The following ARL15 variants were observed in gnomAD, a reference collection of about 807,000 sequenced individuals.
The protein encoded by ARL15 is ARF like GTPase 15, also known as ADP-ribosylation factor-like protein 15.
ARL15 carries 19 observed loss-of-function variants against 25.2 expected under a neutral mutation model. That is an observed-to-expected ratio of 0.75 (90% CI 0.53 to 1.10). The LOEUF is 1.10. ARL15 is among the 50% of genes least tolerant of loss of function. The pLI is 0.00. For synonymous variants in ARL15, 94 were observed against 86.8 expected (o/e 1.08, Z -0.46); for missense variants, 220 against 246.0 (o/e 0.89, Z 0.71).
At chr5:54,017,603 AAC>A (rs1360149959) in intron 4 of ARL15, among the ~76,000 whole-genome samples, 4,748 of 142,542 alleles carry the variant, frequency 0.033, 265 homozygotes, top group African/African-American at 0.12. Context: ...AAAAAAAAAA[AAC>A]CCAAACCAAA....
intron 1 of ARL15, among the ~76,000 whole-genome samples, chr5:54,182,705 T>C (rs1755096316): frequency 6.6e-6 from 1 of 152,028 alleles, no homozygotes; most frequent in Non-Finnish European, 1.5e-5. Context: ...GGTAGCTTGA[T>C]GGGGATGGCA....
At chr5:53,907,484 ATATATTTTTTTT>A (rs1428140267) in intron 4 of ARL15, among the ~76,000 whole-genome samples, 27 of 26,374 alleles carry the variant, frequency 1.0e-3, no homozygotes, top group East Asian at 7.6e-3. Flanking sequence ...ATATATATAT[ATATATTTTTTTT>A]TTTTTTTTTT....
At chr5:54,201,200 C>A (rs146389536) in intron 1 of ARL15, among the ~76,000 whole-genome samples, 11 of 152,038 alleles carry the variant, frequency 7.2e-5, no homozygotes, top group African/African-American at 2.7e-4. Context: ...CTTTTAGTTT[C>A]TTTTCCCAGG....
At chr5:54,028,927 T>C (rs1274190698) in intron 4 of ARL15, among the ~76,000 whole-genome samples, 2 of 151,912 alleles carry the variant, frequency 1.3e-5, no homozygotes, top group African/African-American at 4.8e-5. Context: ...GAAGCTGAGA[T>C]GGGAGGATGG....
At position 53,926,916 on chromosome 5, in the gene ARL15, G is replaced by C. The variant is rs555303784; in HGVS notation, c.463-40203C>G. Among the ~76,000 whole-genome samples the C allele has an allele frequency of 4.7e-5, 7 of 150,530 alleles. No individual in the cohort carries two copies. The South Asian group carries it at 1.5e-3, about 32-fold the overall frequency. ...AAAGACCTCACATGTTGAACTATTT[G>C]GTTAAACCTTCAGTCACCAAGACCT... On this transcript the variant is annotated intron_variant, in intron 4 of 4. Coordinates refer to ENST00000504924, the MANE Select transcript of ARL15 (RefSeq NM_019087.3).
intron 3 of ARL15, among the ~76,000 whole-genome samples, chr5:54,118,204 G>T (rs892410605): frequency 1.3e-5 from 2 of 152,074 alleles, no homozygotes; most frequent in African/African-American, 4.8e-5. Flanking sequence ...TAGTATCAAA[G>T]AAGACAATCA....
intron 4 of ARL15, among the ~76,000 whole-genome samples, chr5:53,961,593 A>C (rs928031433): frequency 1.3e-5 from 2 of 152,152 alleles, no homozygotes; most frequent in African/African-American, 4.8e-5. Flanking sequence ...TTTTAAAAGA[A>C]AGAAGCTGTA....
chr5:54,047,511 A>T (rs1447987841), intron 4 of ARL15, among the ~76,000 whole-genome samples: 1 of 152,174 alleles, frequency 6.6e-6, no homozygotes, highest in Non-Finnish European at 1.5e-5. Context: ...CAACATCTTC[A>T]TATAAAACCT....
At chr5:53,918,672 G>A (rs1379204191) in intron 4 of ARL15, among the ~76,000 whole-genome samples, 1 of 152,026 alleles carries the variant, frequency 6.6e-6, no homozygotes, top group Non-Finnish European at 1.5e-5. Context: ...TACAAATAGA[G>A]ACTGCACACT....
chr5:54,080,717 T>C (rs1471844926), intron 4 of ARL15, among the ~76,000 whole-genome samples: 1 of 152,274 alleles, frequency 6.6e-6, no homozygotes, highest in African/African-American at 2.4e-5. Context: ...CCCTGAGATG[T>C]CTATTCATCA....
chr5:54,033,390 T>C lies in ARL15; in HGVS notation c.462+79812A>G, dbSNP rs192418423. On this transcript the variant is annotated intron_variant, in intron 4 of 4. Coordinates refer to ENST00000504924, the MANE Select transcript of ARL15 (RefSeq NM_019087.3). ...AATCTATCAAAATAAATCACTTTAGTTGGGCACAGTGGCCCACGCCTGTGA... is the reference window on the plus strand; with the variant it reads ...AATCTATCAAAATAAATCACTTTAGCTGGGCACAGTGGCCCACGCCTGTGA... Among the ~76,000 whole-genome samples, 5 of 150,324 alleles carry C rather than the reference T, an allele frequency of 3.3e-5. No individual in the cohort carries two copies. In the East Asian group the frequency reaches 6.0e-4, roughly 18 times the overall value.
At chr5:53,893,161 T>C (rs1371220398) in intron 4 of ARL15, among the ~76,000 whole-genome samples, 3 of 152,024 alleles carry the variant, frequency 2.0e-5, no homozygotes, top group African/African-American at 4.8e-5. Context: ...CCCGCTGACA[T>C]AGGGCTGGCA....
At chr5:54,175,399 A>G (rs543776041) in intron 1 of ARL15, among the ~76,000 whole-genome samples, 1 of 151,906 alleles carries the variant, frequency 6.6e-6, no homozygotes, top group South Asian at 2.1e-4. Context: ...CAATGGCACA[A>G]TCTCGGCTCA....
intron 4 of ARL15, among the ~76,000 whole-genome samples, chr5:54,036,129 A>C (rs1750158173): frequency 6.6e-6 from 1 of 151,936 alleles, no homozygotes. Context: ...CAGTCTGGGC[A>C]ACAGAGTGAG....
In ARL15 at chr5:54,269,222, A is replaced by AATAAT. The variant is rs1206853226; in HGVS notation, c.48+41209_48+41210insATTAT. ...TGTACCCTAAAACTTAAAGTATAAT[A>AATAAT]AGAATAAAATAAAATAAAATAAAAT... is the stretch of plus-strand genomic sequence containing the variant. On this transcript the variant is annotated intron_variant, in intron 1 of 4. Coordinates refer to ENST00000504924, the MANE Select transcript of ARL15 (RefSeq NM_019087.3). Among the ~76,000 whole-genome samples, 659 of 151,894 alleles carry AATAAT rather than the reference A, an allele frequency of 4.3e-3. 6 individuals carry two copies. Among genetic ancestry groups the AATAAT allele is most frequent in the African/African-American group, 0.014 (573 of 41,416 alleles).
intron 2 of ARL15, among the ~76,000 whole-genome samples, chr5:54,167,735 A>T (rs1055743248): frequency 6.6e-6 from 1 of 152,094 alleles, no homozygotes; most frequent in South Asian, 2.1e-4. Context: ...TTCTCTTAGC[A>T]CTATTTTCTC....
At chr5:54,149,273 C>G (rs1753997627) in intron 3 of ARL15, among the ~76,000 whole-genome samples, 2 of 152,098 alleles carry the variant, frequency 1.3e-5, no homozygotes, top group Admixed American at 1.3e-4. Context: ...TTAACGCACG[C>G]ACAGTGCCAA....
chr5:54,177,437 G>A (rs1754909909), intron 1 of ARL15, among the ~76,000 whole-genome samples: 1 of 152,168 alleles, frequency 6.6e-6, no homozygotes, highest in African/African-American at 2.4e-5. Flanking sequence ...ATATTGGAAA[G>A]AAAAGAAAGC....
chr5:54,038,968 A>G (rs1468708886), intron 4 of ARL15, among the ~76,000 whole-genome samples: 1 of 152,140 alleles, frequency 6.6e-6, no homozygotes, highest in Non-Finnish European at 1.5e-5. Flanking sequence ...ATGCTTTGTA[A>G]TTTCAAAACA....
Sources: gnomAD v4.1 joint callset for allele counts (sites outside exome capture counted in the v4.1 genomes callset) on GRCh38, gnomAD v4.1.1 for gene constraint, MANE v1.5 for transcripts, NCBI Gene and HGNC (gene_info 2026-07-23, HGNC 2026-07-21) for gene names.